H2BC18: variants seen among roughly 807,000 people sequenced by gnomAD.
H2BC18 encodes the protein histone H2B type 2-F.
In H2BC18, 8 loss-of-function variants were observed where a neutral mutation model predicts 6.3. The ratio of observed to expected loss-of-function variants is 1.28; its 90% confidence interval spans 0.75 to 2.31. The LOEUF (loss-of-function observed/expected upper bound fraction) is 2.31, where lower values mean the gene tolerates loss of function less well. Ranked by LOEUF, H2BC18 falls within the 30% of genes most tolerant of loss-of-function variation. H2BC18 has a pLI of 0.00. For missense variants in H2BC18, 106 were observed against 174.5 expected (o/e 0.61, Z 2.21); for synonymous variants, 104 against 78.1 (o/e 1.33, Z -1.75).
intron 1 of H2BC18, among the ~76,000 whole-genome samples, chr1:149,797,626 C>G (rs587767168): frequency 1.3e-5 from 2 of 152,244 alleles, no homozygotes; most frequent in South Asian, 4.1e-4. Context: ...AAACTTAATT[C>G]TCTCTCTGTT....
In H2BC18 at chr1:149,785,407, CGTTTTTTTT is replaced by C. The variant is rs1227020585; in HGVS notation, c.378-2156_378-2148del. On this transcript the variant is annotated intron_variant, in intron 1 of 1. Coordinates refer to the H2BC18 transcript ENST00000545683. The stretch of plus-strand genomic sequence containing the variant: ...GTTAGGGAAGCTGACAGAGCTGTTT[CGTTTTTTTT>C]TTTTTTTTTTTTTTTTTTGAGACAG... Among the ~76,000 whole-genome samples, 87 of 74,546 alleles carry C rather than the reference CGTTTTTTTT, an allele frequency of 1.2e-3. 2 individuals are homozygous for C. The highest frequency in any genetic ancestry group is 3.9e-3 in the African/African-American group (85 of 21,914). 48.9% of individuals were successfully genotyped at this position (74,546 alleles called of 152,430 possible).
chr1:149,808,436 T>C (rs2091943088), downstream of H2BC18, among the ~76,000 whole-genome samples: 1 of 152,210 alleles, frequency 6.6e-6, no homozygotes, highest in Non-Finnish European at 1.5e-5. Flanking sequence ...GGGAATAACA[T>C]ATCTTGCTTG....
intron 1 of H2BC18, among the ~76,000 whole-genome samples, chr1:149,785,206 A>T (rs2091508775): frequency 1.3e-5 from 2 of 152,302 alleles, no homozygotes; most frequent in Middle Eastern, 6.8e-3. Context: ...AAACTTCGTT[A>T]AAAATGATAA....
At chr1:149,807,021 A>G (rs2664717), downstream of H2BC18, among the ~76,000 whole-genome samples, 7,660 of 150,772 alleles carry the variant, frequency 0.051, 246 homozygotes, top group Non-Finnish European at 0.073. Flanking sequence ...AAATATAGGA[A>G]GGAGAGAGCA....
At chr1:149,788,041 T>C (rs1461228223) in intron 1 of H2BC18, 2 of 370,808 alleles carry the variant, frequency 5.4e-6, no homozygotes, top group East Asian at 1.3e-4. Flanking sequence ...CCACCCACAC[T>C]CAAGGGGATT....
chr1:149,791,325 G>A (rs1553751836), intron 1 of H2BC18: 2 of 1,594,782 alleles, frequency 1.3e-6, no homozygotes, highest in Admixed American at 3.4e-5. Flanking sequence ...TTCTCTGGGT[G>A]ACAATACGTA....
At chr1:149,793,496 A>G (rs1325466048) in intron 1 of H2BC18, among the ~76,000 whole-genome samples, 5 of 152,084 alleles carry the variant, frequency 3.3e-5, no homozygotes, top group African/African-American at 9.7e-5. Flanking sequence ...AGGACTGACA[A>G]TGAGGCCCTG....
intron 1 of H2BC18, among the ~76,000 whole-genome samples, chr1:149,802,961 A>G (rs782617491): frequency 6.6e-6 from 1 of 152,204 alleles, no homozygotes; most frequent in Non-Finnish European, 1.5e-5. Context: ...ATTGAGGGTG[A>G]GTCTTCCTCT....
chr1:149,806,903 T>C (rs1404514786), downstream of H2BC18, among the ~76,000 whole-genome samples: 2 of 152,046 alleles, frequency 1.3e-5, no homozygotes, highest in East Asian at 3.9e-4. Flanking sequence ...GAGAAGTGAA[T>C]GTGGGCCTTG....
intron 1 of H2BC18, among the ~76,000 whole-genome samples, chr1:149,797,147 A>G (rs1221095409): frequency 1.3e-5 from 2 of 152,214 alleles, no homozygotes; most frequent in Non-Finnish European, 2.9e-5. Flanking sequence ...TCTTGACTTC[A>G]AATAATTCAC....
chr1:149,810,867 A>AC (rs1416528681), downstream of H2BC18: 2 of 152,312 alleles, frequency 1.3e-5, no homozygotes, highest in East Asian at 3.9e-4. Context: ...GTCAGGTCCC[A>AC]CCTCCAGTCT....
chr1:149,799,070 A>C (rs1243923061), intron 1 of H2BC18, among the ~76,000 whole-genome samples: 3 of 141,718 alleles, frequency 2.1e-5, no homozygotes, highest in Non-Finnish European at 4.6e-5. Context: ...AATTTTCTAG[A>C]ATCTAAATTC....
chr1:149,811,078 A>T (rs1195039112), downstream of H2BC18: 1 of 152,228 alleles, frequency 6.6e-6, no homozygotes. Flanking sequence ...TGATAGGGTT[A>T]AGGAAACGTT....
rs587639792 is a variant in H2BC18, at chr1:149,792,267, C to A, written c.378-9007G>T. 4.0e-4 allele frequency: 79 copies of A among 198,916 alleles called. 1 individual carries two copies. The South Asian group carries it at 4.7e-3, about 12-fold the overall frequency. 12.3% of individuals were successfully genotyped at this position (198,916 alleles called of 1,614,324 possible). ...TAAGTCCAAATCTCCAAGTGCGGCA[C>A]TGCAAAGAGACGCTTCAAGTGGGGA... On this transcript the variant is annotated intron_variant, in intron 1 of 1. Coordinates refer to the H2BC18 transcript ENST00000545683.
At chr1:149,788,939 G>C (rs2091625390) in intron 1 of H2BC18, among the ~76,000 whole-genome samples, 1 of 151,806 alleles carries the variant, frequency 6.6e-6, no homozygotes, top group South Asian at 2.1e-4. Context: ...GTAGATAGGA[G>C]AGTTAGAAAA....
chr1:149,807,526 GC>G (rs1197627304), downstream of H2BC18, among the ~76,000 whole-genome samples: 144 of 25,236 alleles, frequency 5.7e-3, 1 homozygote, highest in Non-Finnish European at 6.7e-3. Flanking sequence ...GGGGGGGGGG[GC>G]GGGCATGGTG....
downstream of H2BC18, among the ~76,000 whole-genome samples, chr1:149,808,603 C>A (rs1384825712): frequency 6.6e-6 from 1 of 152,028 alleles, no homozygotes; most frequent in East Asian, 1.9e-4. Flanking sequence ...GGCTGAGGGG[C>A]AAAAATTTTA....
At chr1:149,808,964 C>T (rs2091948131), downstream of H2BC18, among the ~76,000 whole-genome samples, 2 of 149,710 alleles carry the variant, frequency 1.3e-5, no homozygotes, top group Non-Finnish European at 3.0e-5. Flanking sequence ...GCTTTAGGAA[C>T]TGCACCCAGT....
chr1:149,797,407 A>G (rs2091812080), intron 1 of H2BC18, among the ~76,000 whole-genome samples: 1 of 151,976 alleles, frequency 6.6e-6, no homozygotes, highest in African/African-American at 2.4e-5. Context: ...TTCTATATCT[A>G]GTATTACTTA....
Sources: allele counts gnomAD v4.1 joint callset (sites outside exome capture counted in the v4.1 genomes callset), GRCh38; gene constraint gnomAD v4.1.1; transcripts MANE v1.5; gene names NCBI Gene and HGNC (gene_info 2026-07-23, HGNC 2026-07-21).